FAAH2: variants seen among roughly 807,000 people sequenced by gnomAD.
FAAH2 encodes fatty acid amide hydrolase 2, also known as fatty-acid amide hydrolase 2.
Under a neutral mutation model 36.9 loss-of-function variants are expected in FAAH2, and 60 were observed. The ratio of observed to expected loss-of-function variants is 1.63; its 90% CI spans 1.32 to 2.02. The LOEUF is 2.02. FAAH2 is among the 30% of genes most tolerant of loss of function. The pLI is 0.00. For synonymous variants in FAAH2, 214 were observed against 143.8 expected (o/e 1.49, Z -3.49); for missense variants, 689 against 397.5 (o/e 1.73, Z -6.23).
At chrX:57,129,693 A>AT in the FAAH2 span, among the ~76,000 whole-genome samples, 5 of 112,153 alleles carry the variant, frequency 4.5e-5, no homozygotes, top group Non-Finnish European at 9.4e-5. Context: ...ATACATTATC[A>AT]TTTTTTCTTT....
chrX:57,418,018 T>G (rs895630135), intron 7 of FAAH2, among the ~76,000 whole-genome samples: 7 of 111,457 alleles, frequency 6.3e-5, no homozygotes, highest in Non-Finnish European at 1.3e-4. Flanking sequence ...CCTGAAGGCT[T>G]TGTTTACACT....
At chrX:57,430,105 G>T (rs752068329) in intron 7 of FAAH2, among the ~76,000 whole-genome samples, 57 of 111,322 alleles carry the variant, frequency 5.1e-4, no homozygotes, top group African/African-American at 1.8e-3. Context: ...TAGGTTGATG[G>T]CTACACTGAA....
At chrX:57,349,292 TAC>T (rs1169415552) in intron 5 of FAAH2, among the ~76,000 whole-genome samples, 1 of 96,126 alleles carries the variant, frequency 1.0e-5, no homozygotes, top group Admixed American at 1.3e-4. Flanking sequence ...TATACATATA[TAC>T]ACAGATATAC....
chrX:57,210,725 A>T, the FAAH2 span, among the ~76,000 whole-genome samples: 13 of 112,547 alleles, frequency 1.2e-4, no homozygotes, highest in African/African-American at 3.9e-4. Flanking sequence ...TTTCTATTGA[A>T]GATGGTACTG....
chrX:57,172,732 C>T, the FAAH2 span, among the ~76,000 whole-genome samples: 1 of 111,769 alleles, frequency 8.9e-6, no homozygotes, highest in South Asian at 3.7e-4. Flanking sequence ...GTGGCCTGGG[C>T]TCTCCTCCAA....
chrX:57,431,122 G>A (rs995017022), intron 7 of FAAH2, among the ~76,000 whole-genome samples: 7 of 111,420 alleles, frequency 6.3e-5, no homozygotes, highest in Non-Finnish European at 1.1e-4. Flanking sequence ...GCCTGTTTCA[G>A]GTTTGTGTTT....
At chrX:57,155,507 C>T in the FAAH2 span, among the ~76,000 whole-genome samples, 2 of 112,217 alleles carry the variant, frequency 1.8e-5, no homozygotes, top group African/African-American at 6.5e-5. Context: ...CTCACTCCCA[C>T]CATGCCCCAA....
chrX:57,184,569 A>G, the FAAH2 span, among the ~76,000 whole-genome samples: 1 of 112,804 alleles, frequency 8.9e-6, no homozygotes, highest in Non-Finnish European at 1.9e-5. Context: ...AGCCCTGGAC[A>G]ATTATATTCA....
chrX:57,227,446 A>G, the FAAH2 span, among the ~76,000 whole-genome samples: 1 of 111,112 alleles, frequency 9.0e-6, no homozygotes, highest in East Asian at 2.8e-4. Flanking sequence ...CAGTGAGTCT[A>G]CCTGGCTCTG....
intron 5 of FAAH2, among the ~76,000 whole-genome samples, chrX:57,373,911 G>C (rs1209550567): frequency 9.0e-6 from 1 of 111,468 alleles, no homozygotes; most frequent in Admixed American, 9.6e-5. Flanking sequence ...TGAGAGATGA[G>C]GATCCAGTTT....
At chrX:57,423,979 C>A (rs1019080613) in intron 7 of FAAH2, among the ~76,000 whole-genome samples, 1 of 111,148 alleles carries the variant, frequency 9.0e-6, no homozygotes, top group Admixed American at 9.5e-5. Context: ...CAACATCGGC[C>A]GACACAATAG....
the FAAH2 span, among the ~76,000 whole-genome samples, chrX:57,262,933 G>T: frequency 9.0e-6 from 1 of 111,024 alleles, no homozygotes. Context: ...AAAACTCTCA[G>T]AAAAATCAGA....
rs984415697 is a variant in FAAH2 at position 57,367,974 on chromosome X, G to T, written c.743-10677G>T. ...TGGAGCCACTGCTATATTGTGTCTTGCTCATGAGGGCAATAACCACTTCAT... is the reference window on the plus strand; with the variant it reads ...TGGAGCCACTGCTATATTGTGTCTTTCTCATGAGGGCAATAACCACTTCAT... On this transcript the variant is annotated intron_variant, in intron 5 of 10. Transcript: ENST00000374900. Among the ~76,000 whole-genome samples, 6 of 111,682 alleles carry T rather than the reference G, an allele frequency of 5.4e-5. No individual in the cohort carries two copies. The East Asian group carries it at 1.4e-3, about 26-fold the overall frequency.
chrX:57,133,025 G>A, the FAAH2 span, among the ~76,000 whole-genome samples: 48 of 111,326 alleles, frequency 4.3e-4, no homozygotes, highest in African/African-American at 1.5e-3. Flanking sequence ...CAGCTACAGG[G>A]TCAGTTCTCC....
At chrX:57,342,977 A>T (rs2053724338) in intron 5 of FAAH2, among the ~76,000 whole-genome samples, 1 of 111,935 alleles carries the variant, frequency 8.9e-6, no homozygotes, top group East Asian at 2.8e-4. Flanking sequence ...ATGGCTGCAT[A>T]GTATTTCATG....
the FAAH2 span, among the ~76,000 whole-genome samples, chrX:57,124,005 T>A: frequency 8.9e-6 from 1 of 111,788 alleles, no homozygotes; most frequent in African/African-American, 3.3e-5. Context: ...CTCTTTAGTT[T>A]AATTAGATCC....
intron 10 of FAAH2, among the ~76,000 whole-genome samples, chrX:57,450,996 T>C (rs2056773343): frequency 8.9e-6 from 1 of 111,933 alleles, no homozygotes; most frequent in South Asian, 3.7e-4. Flanking sequence ...TCATCTCATT[T>C]TATCTTACAG....
the FAAH2 span, among the ~76,000 whole-genome samples, chrX:57,269,798 A>C: frequency 2.7e-5 from 3 of 111,601 alleles, no homozygotes; most frequent in African/African-American, 9.8e-5. Flanking sequence ...TTAACAACCT[A>C]ACTTCACAAT....
At chrX:57,317,104 A>C (rs1244675892) in intron 3 of FAAH2, among the ~76,000 whole-genome samples, 42 of 112,155 alleles carry the variant, frequency 3.7e-4, no homozygotes, top group Non-Finnish European at 1.1e-4. Context: ...ACTCAAAAGA[A>C]GACAGACAAG....
Sources: allele counts gnomAD v4.1 joint callset (sites outside exome capture counted in the v4.1 genomes callset), GRCh38; gene constraint gnomAD v4.1.1; transcripts MANE v1.5; gene names NCBI Gene and HGNC (gene_info 2026-07-23, HGNC 2026-07-21).